The following NUP214 variants were observed in gnomAD, a reference collection of about 807,000 sequenced individuals.
The protein encoded by NUP214 is nucleoporin 214, also known as nuclear pore complex protein Nup214.
NUP214 carries 79 observed loss-of-function variants against 196.2 expected under a neutral mutation model. The observed-to-expected ratio is 0.40, with a 90% CI of 0.34 to 0.49. The LOEUF (loss-of-function observed/expected upper bound fraction) is 0.49. Ranked by LOEUF, NUP214 falls within the 20% of genes least tolerant of loss-of-function variation. The pLI, the probability that NUP214 is intolerant of heterozygous loss-of-function variation, is 0.58. For synonymous variants in NUP214, 1,020 were observed against 990.5 expected (o/e 1.03, Z -0.56); for missense variants, 2,468 against 2,539.0 (o/e 0.97, Z 0.60).
At chr9:131,187,086 T>C in intron 24 of NUP214, 1 of 560,172 alleles carries the variant, frequency 1.8e-6, no homozygotes, top group Non-Finnish European at 3.2e-6. Flanking sequence ...GGCCACTGCT[T>C]TGACTTTCAT....
At position 131,148,119 on chromosome 9, in the gene NUP214, G is replaced by A. The variant is rs538329300; in HGVS notation, c.2040+535G>A. Among the ~76,000 whole-genome samples the A allele has an allele frequency of 8.5e-5, 13 of 152,302 alleles. No individual in the cohort carries two copies. The East Asian group carries it at 1.9e-3, about 23-fold the overall frequency. ...TGAGAATCACTTGAACCCGGGAGGC[G>A]GAGGCCAGAACCCCAGAGTTCTTTT... On this transcript the variant is annotated intron_variant, in intron 14 of 35. Transcript: ENST00000359428.
chr9:131,143,000 T>C (rs1000234885), intron 11 of NUP214, among the ~76,000 whole-genome samples: 1 of 152,006 alleles, frequency 6.6e-6, no homozygotes. Context: ...GTTTGGAAAA[T>C]AGAAAAAAAA....
chr9:131,161,343 C>T (rs1322531159), intron 18 of NUP214, among the ~76,000 whole-genome samples: 3 of 151,774 alleles, frequency 2.0e-5, no homozygotes, highest in African/African-American at 2.4e-5. Flanking sequence ...CTGCAACCTC[C>T]GCCTCCGGGG....
intron 33 of NUP214, 69 bp from the exon 34 acceptor site, chr9:131,230,561 C>G: frequency 6.3e-7 from 1 of 1,588,096 alleles, no homozygotes. Context: ...CAGCAGGGGG[C>G]TGAGGCTTGC....
At position 131,125,977 on chromosome 9, in the gene NUP214, A is replaced by G. The variant is rs1321439842; in HGVS notation, c.45+228A>G. Reference sequence around the variant, plus strand: ...GCACGGCTGTTGAGTTACCCTAGCTACTTCCTGGGGCGGTCACAATAGTGG... The same window carrying G: ...GCACGGCTGTTGAGTTACCCTAGCTGCTTCCTGGGGCGGTCACAATAGTGG... On this transcript the variant is annotated intron_variant, in intron 1 of 35. Coordinates refer to ENST00000359428, the MANE Select transcript of NUP214 (RefSeq NM_005085.4). This position sits in a 1 kb window ranked among gnomAD's most constrained non-coding sequence, Gnocchi z 4.1. The G allele has an allele frequency of 1.2e-5, 7 of 574,962 alleles. No individual in the cohort carries two copies. The highest frequency in any genetic ancestry group is 1.8e-5 in the Non-Finnish European group (6 of 327,734). The allele number at this position is 574,962 out of a possible 1,614,324, so 35.6% of individuals were successfully genotyped here. A position where few individuals can be genotyped will look rare whatever the true frequency, so the allele number is the denominator to read the frequency against.
intron 32 of NUP214, among the ~76,000 whole-genome samples, chr9:131,227,495 C>A (rs1244774128): frequency 6.7e-4 from 100 of 148,184 alleles, no homozygotes; most frequent in African/African-American, 1.8e-3. Context: ...AAAAAAAAAA[C>A]AAACCTCCAC....
At chr9:131,163,283 C>A in intron 19 of NUP214, 110 bp downstream of exon 19, 2 of 1,077,802 alleles carry the variant, frequency 1.9e-6, no homozygotes, top group Non-Finnish European at 2.6e-6. Context: ...TGTCTCTCAC[C>A]TGTGTAATCC....
chr9:131,152,821 G>A (rs561432891), intron 17 of NUP214, among the ~76,000 whole-genome samples: 8 of 151,060 alleles, frequency 5.3e-5, no homozygotes, highest in Non-Finnish European at 1.0e-4. Context: ...TCGCACTGTC[G>A]CCTGGGCTGA....
intron 18 of NUP214, 114 bp from the exon 19 acceptor site, chr9:131,162,877 G>C (rs190847346): frequency 4.0e-4 from 383 of 955,074 alleles, no homozygotes; most frequent in Non-Finnish European, 4.9e-4. Context: ...TCCAGTGCTG[G>C]TTCTCCATTT....
chr9:131,146,181 C>T lies in NUP214; in HGVS notation c.1822C>T (p.Pro608Ser). The T allele has an allele frequency of 6.2e-7, 1 of 1,614,134 alleles. No homozygotes were observed. The highest frequency in any genetic ancestry group is 8.5e-7 in the Non-Finnish European group (1 of 1,180,022). Residue 608 changes from proline to serine, a missense_variant, in exon 13 of 36, where the codon CCG becomes TCG. Physicochemically the swap from Pro to Ser is moderately conservative, Grantham distance 74 (BLOSUM62 -1). This residue lies in a region of NUP214 where 1,801 missense variants were observed against 1,779.4 expected (regional missense o/e 1.01). Coordinates refer to ENST00000359428, the MANE Select transcript of NUP214 (RefSeq NM_005085.4). The surrounding 1 kb of genome is among the most constrained non-coding windows in gnomAD (Gnocchi z 4.6). ...TPVSSSQSAP[P>S]MSPFSSASKP... Reference sequence around the variant, plus strand: ...TGTTAGTAGCTCCCAGAGCGCACCCCCGATGTCGCCATTCTCTTCTGCCTC... The same window carrying T: ...TGTTAGTAGCTCCCAGAGCGCACCCTCGATGTCGCCATTCTCTTCTGCCTC...
Position 131,187,425 on chromosome 9 carries a change from C to T in NUP214, c.3495+61C>T, listed in dbSNP as rs1444857507. The T allele has an allele frequency of 4.7e-4, 608 of 1,282,354 alleles. 1 individual carries two copies. Among genetic ancestry groups the T allele is most frequent in the Non-Finnish European group, 6.2e-4 (571 of 926,462 alleles). 79.4% of individuals were successfully genotyped at this position (1,282,354 alleles called of 1,614,324 possible). On this transcript the variant is annotated intron_variant, in intron 25 of 35. Coordinates refer to ENST00000359428, the MANE Select transcript of NUP214 (RefSeq NM_005085.4). ...TTTTTGAGACAGAGTCTTACTCTGT[C>T]GCCCAGGCTCAAGTGCAGTGGTGCG...
intron 30 of NUP214, among the ~76,000 whole-genome samples, chr9:131,212,030 A>G (rs950548726): frequency 1.3e-5 from 2 of 152,218 alleles, no homozygotes; most frequent in African/African-American, 4.8e-5. Flanking sequence ...TTTCTCAGCA[A>G]GGAACAGCCC....
At chr9:131,139,997 G>A (rs532815831) in intron 10 of NUP214, among the ~76,000 whole-genome samples, 2 of 152,298 alleles carry the variant, frequency 1.3e-5, no homozygotes, top group East Asian at 1.9e-4. Flanking sequence ...CCATTAAGTT[G>A]CTTGCTCCTT....
intron 30 of NUP214, among the ~76,000 whole-genome samples, chr9:131,208,886 G>A (rs1352881030): frequency 6.6e-6 from 1 of 150,880 alleles, no homozygotes; most frequent in Non-Finnish European, 1.5e-5. Flanking sequence ...GGTGAAGCTC[G>A]CCGGTAGTCC....
intron 21 of NUP214, among the ~76,000 whole-genome samples, chr9:131,173,350 C>G (rs1387247182): frequency 6.8e-6 from 1 of 146,082 alleles, no homozygotes; most frequent in African/African-American, 2.5e-5. Context: ...GCCACTGCAC[C>G]CAGCCTTTTT....
intron 24 of NUP214, among the ~76,000 whole-genome samples, chr9:131,183,092 C>G (rs1202743263): frequency 6.6e-6 from 1 of 152,144 alleles, no homozygotes; most frequent in Non-Finnish European, 1.5e-5. Flanking sequence ...TCTTTCCTCC[C>G]CACTACCCCC....
chr9:131,229,591 T>C, intron 33 of NUP214: 1 of 411,032 alleles, frequency 2.4e-6, no homozygotes, highest in Non-Finnish European at 4.7e-6. Context: ...ATTGGCTGGT[T>C]AGTCAGTCCT....
At chr9:131,218,867 G>C (rs1022932518) in intron 31 of NUP214, among the ~76,000 whole-genome samples, 15 of 152,082 alleles carry the variant, frequency 9.9e-5, no homozygotes, top group African/African-American at 3.6e-4. Context: ...CATTCCTTCT[G>C]GTTTGGTCAG....
Position 131,189,131 on chromosome 9 carries a change from G to T in NUP214, c.3574G>T (p.Gly1192Trp). The T allele has an allele frequency of 6.2e-7, 1 of 1,613,656 alleles. No individual in the cohort carries two copies. The highest frequency in any genetic ancestry group is 8.5e-7 in the Non-Finnish European group (1 of 1,179,662). The change falls in exon 26 of 36, where the codon GGG (glycine) becomes TGG (tryptophan). Residue 1192 changes from glycine to tryptophan, a missense_variant and splice_region_variant. By Grantham distance (184) the Gly-to-Trp change is radical. This residue lies in a region of NUP214 where 1,801 missense variants were observed against 1,779.4 expected (regional missense o/e 1.01). Transcript: ENST00000359428. ...GQLSSGDKAS[G>W]TAKIETAVTS... Reference sequence around the variant, plus strand: ...GTTATCATCTGGTGACAAAGCTTCAGGTCAGTTTGCATTTTTGTTTTCTTG... The same window carrying T: ...GTTATCATCTGGTGACAAAGCTTCATGTCAGTTTGCATTTTTGTTTTCTTG...
Sources: gnomAD v4.1 joint callset for allele counts (sites outside exome capture counted in the v4.1 genomes callset) on GRCh38, gnomAD v4.1.1 for gene constraint, gnomAD v4.1.1 regional missense constraint, Gnocchi (gnomAD v3.1) non-coding constraint, MANE v1.5 for transcripts, NCBI Gene and HGNC (gene_info 2026-07-23, HGNC 2026-07-21) for gene names.